Variants in NRG3 observed in about 807,000 individuals in gnomAD.
NRG3 encodes neuregulin 3.
In NRG3, 31 loss-of-function variants were observed where a neutral mutation model predicts 66.9. The ratio of observed to expected loss-of-function variants is 0.46; its 90% confidence interval spans 0.35 to 0.63. NRG3 has a LOEUF of 0.63. NRG3 is among the 20% of genes least tolerant of loss of function. NRG3 has a pLI of 0.00. For missense variants in NRG3, 910 were observed against 878.9 expected, an observed-to-expected ratio of 1.04 and a Z score of -0.45; for synonymous variants, 393 against 359.4, an observed-to-expected ratio of 1.09 and a Z score of -1.06.
chr10:82,985,011 G>C, intron 8 of NRG3, 87 bp from the exon 9 acceptor site: 2 of 1,469,362 alleles, frequency 1.4e-6, no homozygotes, highest in Non-Finnish European at 1.9e-6. Flanking sequence ...GTGAGATGGT[G>C]CATGTGAAAA....
At chr10:81,969,184 C>T (rs985904567) in intron 1 of NRG3, among the ~76,000 whole-genome samples, 9 of 152,098 alleles carry the variant, frequency 5.9e-5, no homozygotes, top group Non-Finnish European at 1.2e-4. Flanking sequence ...TTCCTGTCTC[C>T]CCTGCCACCA....
rs1003024571 is a variant in NRG3 at position 81,940,564 on chromosome 10, TGC to T, written c.823+64402_823+64403del. Among the ~76,000 whole-genome samples, 94 of 152,104 alleles carry T rather than the reference TGC, an allele frequency of 6.2e-4. 1 individual carries two copies. The highest frequency in any genetic ancestry group is 1.7e-3 in the African/African-American group (72 of 41,516). On this transcript the variant is annotated intron_variant, in intron 1 of 8. Transcript: ENST00000372141. ...AGGAGATGGGGGTCTCATTATGTTG[TGC>T]AGGCTCCTAGTCTTGAACTCCTAGC...
intron 1 of NRG3, among the ~76,000 whole-genome samples, chr10:81,972,521 A>G (rs951987520): frequency 1.2e-4 from 19 of 152,188 alleles, no homozygotes; most frequent in African/African-American, 3.4e-4. Context: ...TAAAAAATAC[A>G]CTAGATGAGA....
intron 1 of NRG3, among the ~76,000 whole-genome samples, chr10:82,040,224 G>A (rs1427422979): frequency 6.6e-6 from 1 of 151,900 alleles, no homozygotes; most frequent in African/African-American, 2.4e-5. Context: ...TTCCACCACC[G>A]TCTTTCAACA....
chr10:82,604,134 A>G (rs1445718350), intron 2 of NRG3, among the ~76,000 whole-genome samples: 1 of 152,154 alleles, frequency 6.6e-6, no homozygotes, highest in African/African-American at 2.4e-5. Flanking sequence ...GCATAATGGC[A>G]TGTGTCCAAT....
intron 3 of NRG3, among the ~76,000 whole-genome samples, chr10:82,845,653 T>C (rs1262730345): frequency 1.3e-5 from 2 of 151,974 alleles, no homozygotes; most frequent in Non-Finnish European, 1.5e-5. Flanking sequence ...AATAAGTCAA[T>C]GCAACATTTG....
At chr10:82,375,639 G>A (rs371861817) in intron 2 of NRG3, among the ~76,000 whole-genome samples, 3 of 152,154 alleles carry the variant, frequency 2.0e-5, no homozygotes, top group African/African-American at 7.2e-5. Context: ...AATGGAACAT[G>A]GACTTTTCAA....
In NRG3 at chr10:81,917,856, AG is replaced by A. The variant is rs1845857575; in HGVS notation, c.823+41697del. Among the ~76,000 whole-genome samples the A allele has an allele frequency of 2.0e-5, 3 of 152,158 alleles. 1 individual carries two copies. In the South Asian group the frequency reaches 6.2e-4, roughly 31 times the overall value. ...GCAGGAATCATTGTGAGCTTTCAGGAGGGGAAAGTCATTTCTATGACTAGTA... is the reference window on the plus strand; with the variant it reads ...GCAGGAATCATTGTGAGCTTTCAGGAGGGAAAGTCATTTCTATGACTAGTA... On this transcript the variant is annotated intron_variant, in intron 1 of 8. Coordinates refer to ENST00000372141, the MANE Select transcript of NRG3 (RefSeq NM_001010848.4).
At chr10:82,820,801 T>C (rs539156482) in intron 3 of NRG3, among the ~76,000 whole-genome samples, 22 of 152,348 alleles carry the variant, frequency 1.4e-4, no homozygotes, top group African/African-American at 5.1e-4. Flanking sequence ...ACTCTTAGCA[T>C]ACATTCCCTA....
chr10:82,931,221 T>A (rs1847546673), intron 4 of NRG3, among the ~76,000 whole-genome samples: 1 of 152,194 alleles, frequency 6.6e-6, no homozygotes, highest in Non-Finnish European at 1.5e-5. Flanking sequence ...ATTTACTCCA[T>A]CAGCAGGAAT....
In NRG3 at chr10:82,414,322, A is replaced by G. The variant is rs140744413; in HGVS notation, c.953+55454A>G. 2.4e-3 allele frequency among the ~76,000 whole-genome samples: 361 copies of G among 152,310 alleles called. 1 individual carries two copies. The highest frequency in any genetic ancestry group is 8.4e-3 in the African/African-American group (348 of 41,578). On this transcript the variant is annotated intron_variant, in intron 2 of 8. Transcript: ENST00000372141. ...AAAGGGAATGGCTGGTTGGTGAAGC[A>G]GTCAGAACACACATAACATTTATTG...
intron 1 of NRG3, among the ~76,000 whole-genome samples, chr10:81,884,583 A>G (rs1402538894): frequency 6.6e-6 from 1 of 152,230 alleles, no homozygotes; most frequent in Non-Finnish European, 1.5e-5. Flanking sequence ...AGAAACAAGT[A>G]TAGTATAACA....
chr10:82,861,460 C>T (rs2064123241), intron 3 of NRG3, among the ~76,000 whole-genome samples: 1 of 152,054 alleles, frequency 6.6e-6, no homozygotes, highest in Non-Finnish European at 1.5e-5. Flanking sequence ...GAATAATTTC[C>T]AAATTTTGAT....
At chr10:81,958,827 T>G (rs1050624182) in intron 1 of NRG3, among the ~76,000 whole-genome samples, 4 of 151,998 alleles carry the variant, frequency 2.6e-5, no homozygotes, top group African/African-American at 9.7e-5. Flanking sequence ...AGGCAGAGGT[T>G]GCAGTGAGCC....
intron 2 of NRG3, among the ~76,000 whole-genome samples, chr10:82,380,167 G>T (rs572808990): frequency 1.3e-4 from 19 of 151,970 alleles, no homozygotes; most frequent in African/African-American, 4.6e-4. Context: ...TTTACTTATG[G>T]CTTCAGGGAT....
chr10:82,964,328 C>T (rs538838260), intron 6 of NRG3, among the ~76,000 whole-genome samples: 1 of 152,138 alleles, frequency 6.6e-6, no homozygotes, highest in East Asian at 1.9e-4. Context: ...TTATAGTAGG[C>T]AGGCTGGGGA....
intron 1 of NRG3, among the ~76,000 whole-genome samples, chr10:81,964,522 C>T (rs903017738): frequency 6.6e-6 from 1 of 151,848 alleles, no homozygotes; most frequent in African/African-American, 2.4e-5. Flanking sequence ...TACAGATGAA[C>T]GTTGAGATTG....
Position 81,951,841 on chromosome 10 carries a change from T to C in NRG3, c.823+75678T>C, listed in dbSNP as rs193198554. On this transcript the variant is annotated intron_variant, in intron 1 of 8. Coordinates refer to ENST00000372141, the MANE Select transcript of NRG3 (RefSeq NM_001010848.4). ...TGCACACATATGTTTACTGCGGCACTATTCACAATAGCAAAGACTTGGAAC... is the reference window on the plus strand; with the variant it reads ...TGCACACATATGTTTACTGCGGCACCATTCACAATAGCAAAGACTTGGAAC... Among the ~76,000 whole-genome samples the C allele has an allele frequency of 2.2e-4, 34 of 152,356 alleles. No individual in the cohort carries two copies. The East Asian group carries it at 6.6e-3, about 29-fold the overall frequency.
chr10:81,984,253 A>G (rs1048515925), intron 1 of NRG3, among the ~76,000 whole-genome samples: 2 of 152,224 alleles, frequency 1.3e-5, no homozygotes, highest in African/African-American at 4.8e-5. Context: ...GTACTTTGTC[A>G]TAGCAGCAAC....
Sources: allele counts gnomAD v4.1 joint callset (sites outside exome capture counted in the v4.1 genomes callset), GRCh38; gene constraint gnomAD v4.1.1; transcripts MANE v1.5; gene names NCBI Gene and HGNC (gene_info 2026-07-23, HGNC 2026-07-21).